Variants in DAPK1 observed in about 807,000 individuals in gnomAD.
DAPK1 encodes death-associated protein kinase 1.
DAPK1 carries 56 observed loss-of-function variants against 144.9 expected under a neutral mutation model. The ratio of observed to expected loss-of-function variants is 0.39; its 90% confidence interval spans 0.31 to 0.48. The LOEUF is 0.48. DAPK1 is among the 20% of genes least tolerant of loss of function. DAPK1 has a pLI of 0.95. For missense variants in DAPK1, 1,454 were observed against 1,875.4 expected, an observed-to-expected ratio of 0.78 and a Z score of 4.15; for synonymous variants, 690 against 749.0, an observed-to-expected ratio of 0.92 and a Z score of 1.29.
intron 4 of DAPK1, 147 bp downstream of exon 4, chr9:87,638,228 A>T: frequency 2.4e-6 from 2 of 827,970 alleles, no homozygotes; most frequent in South Asian, 2.2e-5. Flanking sequence ...TAAATCGGCA[A>T]GCATAGGATA....
chr9:87,534,896 C>T (rs1266841013), intron 2 of DAPK1, among the ~76,000 whole-genome samples: 3 of 152,070 alleles, frequency 2.0e-5, no homozygotes, highest in East Asian at 1.9e-4. Flanking sequence ...CTGCCTGCCT[C>T]GGCCTCCTAA....
intron 2 of DAPK1, among the ~76,000 whole-genome samples, chr9:87,514,718 A>G (rs954162508): frequency 5.3e-5 from 8 of 152,240 alleles, no homozygotes; most frequent in Admixed American, 5.2e-4. Flanking sequence ...AAGCCAGACA[A>G]TTAAGTTGGA....
chr9:87,566,422 T>C (rs2118703914), intron 2 of DAPK1, among the ~76,000 whole-genome samples: 1 of 152,240 alleles, frequency 6.6e-6, no homozygotes, highest in African/African-American at 2.4e-5. Context: ...GAAAGTAGAA[T>C]CTATATATCT....
At chr9:87,581,765 CTTTGCTACACAGGA>C (rs762237251) in intron 2 of DAPK1, among the ~76,000 whole-genome samples, 4 of 152,196 alleles carry the variant, frequency 2.6e-5, no homozygotes, top group Non-Finnish European at 4.4e-5. Context: ...CTTGGAGAAA[CTTTGCTACACAGGA>C]AGATGTCTGC....
chr9:87,526,248 G>A (rs1346332347), intron 2 of DAPK1, among the ~76,000 whole-genome samples: 1 of 152,068 alleles, frequency 6.6e-6, no homozygotes, highest in African/African-American at 2.4e-5. Flanking sequence ...CATAGTCATG[G>A]AACTACTACT....
At chr9:87,696,444 A>G (rs1323496815) in intron 21 of DAPK1, among the ~76,000 whole-genome samples, 1 of 152,186 alleles carries the variant, frequency 6.6e-6, no homozygotes, top group Admixed American at 6.5e-5. Context: ...TTGTGTTGCT[A>G]TAACAGAATA....
intron 2 of DAPK1, among the ~76,000 whole-genome samples, chr9:87,504,276 G>A (rs1036982665): frequency 2.6e-5 from 4 of 152,196 alleles, no homozygotes; most frequent in African/African-American, 4.8e-5. Context: ...TAAAGGCAAC[G>A]GTTAGTGATT....
At chr9:87,545,527 C>T (rs927980181) in intron 2 of DAPK1, among the ~76,000 whole-genome samples, 25 of 152,128 alleles carry the variant, frequency 1.6e-4, no homozygotes, top group African/African-American at 5.3e-4. Flanking sequence ...TGGTGAGCCT[C>T]GGTGAGGCAT....
intron 2 of DAPK1, among the ~76,000 whole-genome samples, chr9:87,502,230 G>A (rs1361340519): frequency 3.9e-5 from 6 of 151,960 alleles, no homozygotes; most frequent in Non-Finnish European, 8.8e-5. Flanking sequence ...TGCAGCCCTG[G>A]CCTTGAGCTG....
intron 2 of DAPK1, among the ~76,000 whole-genome samples, chr9:87,521,726 T>C (rs1169634527): frequency 6.6e-6 from 1 of 152,260 alleles, no homozygotes; most frequent in Non-Finnish European, 1.5e-5. Flanking sequence ...GACCTTCTTA[T>C]CTAGCAGTTT....
intron 2 of DAPK1, among the ~76,000 whole-genome samples, chr9:87,535,597 G>T (rs1208216754): frequency 1.3e-5 from 2 of 151,900 alleles, no homozygotes; most frequent in Non-Finnish European, 2.9e-5. Flanking sequence ...AGAAAGTTTA[G>T]TCTCTGCCCT....
intron 2 of DAPK1, among the ~76,000 whole-genome samples, chr9:87,543,227 T>A (rs1238822018): frequency 1.3e-5 from 2 of 152,214 alleles, no homozygotes; most frequent in Non-Finnish European, 2.9e-5. Context: ...CTAAAACAGA[T>A]GATCTGATAA....
chr9:87,535,205 G>T (rs1304802679), intron 2 of DAPK1, among the ~76,000 whole-genome samples: 1 of 151,834 alleles, frequency 6.6e-6, no homozygotes, highest in Non-Finnish European at 1.5e-5. Flanking sequence ...TGTCACCTCT[G>T]GCTTGAGAAC....
chr9:87,659,868 G>C (rs1044877610), intron 18 of DAPK1, among the ~76,000 whole-genome samples: 1 of 152,102 alleles, frequency 6.6e-6, no homozygotes, highest in Non-Finnish European at 1.5e-5. Flanking sequence ...CAGTGAGAGC[G>C]GGGAGTCCAG....
chr9:87,597,470 G>C (rs1425612921), intron 2 of DAPK1, among the ~76,000 whole-genome samples: 1 of 152,144 alleles, frequency 6.6e-6, no homozygotes, highest in Non-Finnish European at 1.5e-5. Context: ...AAATGTCAAG[G>C]AGAAGTTTGG....
Position 87,643,235 on chromosome 9 carries a change from T to G in DAPK1, c.919-141T>G, listed in dbSNP as rs901424573. 43 of 582,596 alleles carry G rather than the reference T, an allele frequency of 7.4e-5. No homozygotes were observed. The Admixed American group carries it at 1.2e-3, about 17-fold the overall frequency. The allele number at this position is 582,596 out of a possible 1,614,324, so 36.1% of individuals were successfully genotyped here. On this transcript the variant is annotated intron_variant, in intron 10 of 25. Transcript: ENST00000408954. ...GGATTGCCCACCCTGGGAGAGTGTGTGCTGATAGCAATGAACACGATCTCG... is the reference window on the plus strand; with the variant it reads ...GGATTGCCCACCCTGGGAGAGTGTGGGCTGATAGCAATGAACACGATCTCG...
At chr9:87,675,657 A>G (rs1474832513) in intron 19 of DAPK1, among the ~76,000 whole-genome samples, 1 of 151,998 alleles carries the variant, frequency 6.6e-6, no homozygotes, top group Non-Finnish European at 1.5e-5. Flanking sequence ...CCTCAGGGTC[A>G]GGATGGGGAG....
rs753967013 is a variant in DAPK1, at chr9:87,701,401, C to CT, written c.2871+1165dup. ...CTGAGGGAACCTGTTAAACCAAGAT[C>CT]TAAAACCCTAGAAATTTTAAAAGAA... On this transcript the variant is annotated intron_variant, in intron 24 of 25. Coordinates refer to ENST00000408954, the MANE Select transcript of DAPK1 (RefSeq NM_004938.4). 9.9e-5 allele frequency among the ~76,000 whole-genome samples: 15 copies of CT among 152,168 alleles called. No individual in the cohort carries two copies. In the East Asian group the frequency reaches 2.9e-3, roughly 29 times the overall value.
In DAPK1 at chr9:87,548,252, C is replaced by A. The variant is rs372618076; in HGVS notation, c.62+49113C>A. Among the ~76,000 whole-genome samples, 19 of 152,276 alleles carry A rather than the reference C, an allele frequency of 1.2e-4. No individual in the cohort carries two copies. In the East Asian group the frequency reaches 2.9e-3, roughly 23 times the overall value. Reference sequence around the variant, plus strand: ...TTGGCTTGGAGGGGCAAAGCTGTTTCCTAAACATCAATCTTTTTTTCTCAC... The same window carrying A: ...TTGGCTTGGAGGGGCAAAGCTGTTTACTAAACATCAATCTTTTTTTCTCAC... On this transcript the variant is annotated intron_variant, in intron 2 of 25. Coordinates refer to ENST00000408954, the MANE Select transcript of DAPK1 (RefSeq NM_004938.4).
Sources: allele counts gnomAD v4.1 joint callset (sites outside exome capture counted in the v4.1 genomes callset), GRCh38; gene constraint gnomAD v4.1.1; transcripts MANE v1.5; gene names NCBI Gene and HGNC (gene_info 2026-07-23, HGNC 2026-07-21).